ROS1: variants seen among roughly 807,000 people sequenced by gnomAD.
ROS1 encodes ROS proto-oncogene 1, receptor tyrosine kinase.
In ROS1, 263 loss-of-function variants were observed where a neutral mutation model predicts 273.5. The observed-to-expected ratio is 0.96, with a 90% CI of 0.87 to 1.06. The LOEUF (loss-of-function observed/expected upper bound fraction) is 1.06, where lower values mean the gene tolerates loss of function less well. Ranked by LOEUF, ROS1 falls within the 50% of genes least tolerant of loss-of-function variation. The pLI is 0.00. For missense variants in ROS1, 2,833 were observed against 2,751.1 expected (o/e 1.03, Z -0.67); for synonymous variants, 1,008 against 954.1 (o/e 1.06, Z -1.04).
intron 43 of ROS1, among the ~76,000 whole-genome samples, chr6:117,298,339 T>TA (rs985063771): frequency 2.6e-5 from 4 of 152,058 alleles, no homozygotes; most frequent in Non-Finnish European, 5.9e-5. Flanking sequence ...AAATTTATTT[T>TA]AAAAAAAAGA....
intron 17 of ROS1, among the ~76,000 whole-genome samples, chr6:117,381,505 C>T (rs1193900390): frequency 6.6e-6 from 1 of 151,976 alleles, no homozygotes; most frequent in Non-Finnish European, 1.5e-5. Flanking sequence ...GTTTGCCATT[C>T]CTGAGTTACT....
chr6:117,394,368 A>G, intron 10 of ROS1, 22 bp from the exon 11 acceptor site: 1 of 1,560,014 alleles, frequency 6.4e-7, no homozygotes, highest in Non-Finnish European at 8.6e-7. Context: ...ATGCAAGTGC[A>G]CACACATTAT....
At chr6:117,404,117 C>T (rs1774189053) in intron 6 of ROS1, among the ~76,000 whole-genome samples, 163 bp downstream of exon 6, 1 of 151,876 alleles carries the variant, frequency 6.6e-6, no homozygotes, top group Admixed American at 6.6e-5. Context: ...CGCCTGTGGG[C>T]GGCTGAGGCA....
chr6:117,356,759 A>C lies in ROS1; in HGVS notation c.3996T>G (p.Ser1332Arg), dbSNP rs1192485576. 1.2e-6 allele frequency: 2 copies of C among 1,614,068 alleles called. No individual in the cohort carries two copies. Among genetic ancestry groups the C allele is most frequent in the African/African-American group, 2.7e-5 (2 of 74,932 alleles). The change falls in exon 26 of 44, where the codon AGT (serine) becomes AGG (arginine). Residue 1332 changes from serine (S) to arginine (R), a missense_variant. By Grantham distance (110) the Ser-to-Arg change is moderately radical. Coordinates refer to ENST00000368507, the MANE Select transcript of ROS1 (RefSeq NM_001378902.1). ...CSCNVTEFEL[S>R]GAMAIDTSNL... ...TAGAGGTATCAATAGCCATTGCTCCACTTAACTCAAATTCAGTCACATTAC... is the reference window on the plus strand; with the variant it reads ...TAGAGGTATCAATAGCCATTGCTCCCCTTAACTCAAATTCAGTCACATTAC...
chr6:117,380,452 T>A (rs1268738055), intron 17 of ROS1, among the ~76,000 whole-genome samples: 3 of 152,078 alleles, frequency 2.0e-5, no homozygotes, highest in Non-Finnish European at 1.5e-5. Context: ...CTCAGCCTTT[T>A]AGGAGTTGAA....
At chr6:117,363,305 G>A (rs1779960012) in intron 21 of ROS1, among the ~76,000 whole-genome samples, 1 of 152,164 alleles carries the variant, frequency 6.6e-6, no homozygotes, top group Non-Finnish European at 1.5e-5. Flanking sequence ...GTAAAACACA[G>A]CATAAATCAG....
chr6:117,425,862 T>G lies in ROS1; in HGVS notation c.-206A>C. 1 of 489,176 alleles carries G rather than the reference T, an allele frequency of 2.0e-6. No homozygotes were observed. The highest frequency in any genetic ancestry group is 3.6e-6 in the Non-Finnish European group (1 of 280,192). The allele number at this position is 489,176 out of a possible 1,614,324, so 30.3% of individuals were successfully genotyped here. A position where few individuals can be genotyped will look rare whatever the true frequency, so the allele number is the denominator to read the frequency against. On this transcript the variant is annotated 5_prime_UTR_variant, in exon 1 of 44. Coordinates refer to ENST00000368507, the MANE Select transcript of ROS1 (RefSeq NM_001378902.1). ...TTGAATGCTTGAAAGCTTGTAACAG[T>G]TCCATAAGAGCTATTTCATAACAGC...
intron 26 of ROS1, among the ~76,000 whole-genome samples, chr6:117,354,358 A>G (rs1489003693): frequency 6.6e-6 from 1 of 152,188 alleles, no homozygotes; most frequent in Non-Finnish European, 1.5e-5. Context: ...GTCTCAAAAA[A>G]AAAAAAAGTG....
At chr6:117,337,767 CAT>C (rs1308342038) in intron 31 of ROS1, among the ~76,000 whole-genome samples, 1 of 152,052 alleles carries the variant, frequency 6.6e-6, no homozygotes, top group African/African-American at 2.4e-5. Flanking sequence ...AATATTTTTA[CAT>C]GTTTTGATTA....
chr6:117,305,709 A>G (rs1775049780), intron 42 of ROS1, among the ~76,000 whole-genome samples: 1 of 152,188 alleles, frequency 6.6e-6, no homozygotes, highest in African/African-American at 2.4e-5. Context: ...GCTTTTAATA[A>G]TCCTAAATGT....
chr6:117,360,324 A>G lies in ROS1; in HGVS notation c.3430+18T>C. On this transcript the variant is annotated intron_variant, in intron 23 of 43. Coordinates refer to ENST00000368507, the MANE Select transcript of ROS1 (RefSeq NM_001378902.1). ...CGCCTCTAAATTATTATTTGCACAG[A>G]TTTTAGAAAACAAATACCTGATGTT... 6.2e-7 allele frequency: 1 copy of G among 1,601,142 alleles called. No homozygotes were observed. Among genetic ancestry groups the G allele is most frequent in the Non-Finnish European group, 8.5e-7 (1 of 1,170,692 alleles).
At position 117,329,324 on chromosome 6, in the gene ROS1, C is replaced by A. The variant is rs2128593020; in HGVS notation, c.5348+5G>T. ...CATTTACAAGTACTTTGCAAACACACATACCTTATCTCAAGGATATAGTAT... is the reference window on the plus strand; with the variant it reads ...CATTTACAAGTACTTTGCAAACACAAATACCTTATCTCAAGGATATAGTAT... On this transcript the variant is annotated splice_donor_5th_base_variant and intron_variant, in intron 33 of 43. Coordinates refer to ENST00000368507, the MANE Select transcript of ROS1 (RefSeq NM_001378902.1). 7.6e-7 allele frequency: 1 copy of A among 1,311,450 alleles called. No individual in the cohort carries two copies. Among genetic ancestry groups the A allele is most frequent in the Non-Finnish European group, 1.1e-6 (1 of 913,046 alleles). 81.2% of individuals were successfully genotyped at this position (1,311,450 alleles called of 1,614,324 possible). A position where few individuals can be genotyped will look rare whatever the true frequency, so the allele number is the denominator to read the frequency against.
intron 23 of ROS1, 133 bp from the exon 24 acceptor site, chr6:117,360,144 A>T: frequency 1.3e-6 from 1 of 786,842 alleles, no homozygotes; most frequent in South Asian, 1.8e-5. Context: ...TTTCTCAGTG[A>T]TAACCTTGTA....
intron 27 of ROS1, among the ~76,000 whole-genome samples, chr6:117,351,782 G>A (rs1778886765): frequency 6.6e-6 from 1 of 152,092 alleles, no homozygotes; most frequent in South Asian, 2.1e-4. Context: ...TTGTTTTTGG[G>A]TGGAGTGGCA....
chr6:117,425,680 A>G lies in ROS1; in HGVS notation c.-24T>C, dbSNP rs750635930. ...ATCACTTCACCAATGGCAGATTTTT[A>G]GATGGCCGGTCTAATTTTCTCCATT... is the stretch of plus-strand genomic sequence containing the variant. On this transcript the variant is annotated 5_prime_UTR_variant, in exon 1 of 44. The change abolishes the stop of an existing upstream ORF in the 5' untranslated region. Coordinates refer to ENST00000368507, the MANE Select transcript of ROS1 (RefSeq NM_001378902.1). 1.2e-5 allele frequency: 19 copies of G among 1,609,382 alleles called. No homozygotes were observed. The highest frequency in any genetic ancestry group is 1.4e-5 in the Non-Finnish European group (17 of 1,178,102).
intron 42 of ROS1, among the ~76,000 whole-genome samples, chr6:117,305,204 C>CA (rs888108013): frequency 2.0e-5 from 3 of 151,926 alleles, no homozygotes; most frequent in East Asian, 3.9e-4. Flanking sequence ...ATATCTCCCA[C>CA]AAAAAAGGGC....
intron 13 of ROS1, among the ~76,000 whole-genome samples, chr6:117,388,243 G>A (rs566957942): frequency 3.9e-5 from 6 of 152,264 alleles, no homozygotes; most frequent in African/African-American, 1.4e-4. Context: ...TTCAGTCAAA[G>A]CTATATGCTT....
chr6:117,401,803 T>TAAAAA lies in ROS1; in HGVS notation c.604+1331_604+1335dup, dbSNP rs35593860. Among the ~76,000 whole-genome samples the TAAAAA allele has an allele frequency of 8.3e-4, 74 of 89,122 alleles. 2 individuals carry two copies. Among genetic ancestry groups the TAAAAA allele is most frequent in the East Asian group, 1.5e-3 (5 of 3,258 alleles). The allele number at this position is 89,122 out of a possible 152,430, so 58.5% of individuals were successfully genotyped here. A position where few individuals can be genotyped will look rare whatever the true frequency, so the allele number is the denominator to read the frequency against. ...ATACAAAAAATAACAAACTTTTCAG[T>TAAAAA]AAAAAAAAAAAAAAAAAAAAACAGG... On this transcript the variant is annotated intron_variant, in intron 7 of 43. Coordinates refer to ENST00000368507, the MANE Select transcript of ROS1 (RefSeq NM_001378902.1).
intron 4 of ROS1, among the ~76,000 whole-genome samples, chr6:117,414,054 A>C (rs914624462): frequency 6.6e-6 from 1 of 152,180 alleles, no homozygotes; most frequent in Admixed American, 6.5e-5. Context: ...GCAAGCAAGC[A>C]AGCAAGAAAG....
Sources: allele counts gnomAD v4.1 joint callset (sites outside exome capture counted in the v4.1 genomes callset), GRCh38; gene constraint gnomAD v4.1.1; transcripts MANE v1.5; gene names NCBI Gene and HGNC (gene_info 2026-07-23, HGNC 2026-07-21).